Variants in CTDSPL2 observed in about 807,000 individuals in gnomAD.
CTDSPL2 encodes CTD small phosphatase-like protein 2.
In CTDSPL2, 5 loss-of-function variants were observed where a neutral mutation model predicts 60.0. The observed-to-expected ratio is 0.08, with a 90% CI of 0.04 to 0.18. CTDSPL2 has a LOEUF of 0.18. Ranked by LOEUF, CTDSPL2 falls within the 10% of genes least tolerant of loss-of-function variation. The pLI is 1.00. For synonymous variants in CTDSPL2, 186 were observed against 189.3 expected (o/e 0.98, Z 0.14); for missense variants, 370 against 548.8 (o/e 0.67, Z 3.26).
intron 12 of CTDSPL2, 57 bp from the exon 13 acceptor site, chr15:44,524,052 G>C: frequency 7.6e-7 from 1 of 1,313,966 alleles, no homozygotes; most frequent in Non-Finnish European, 1.1e-6. Flanking sequence ...TGTATGTTAT[G>C]AGGATCATAT....
chr15:44,471,134 T>G (rs1373225617), intron 2 of CTDSPL2, among the ~76,000 whole-genome samples: 2 of 152,206 alleles, frequency 1.3e-5, no homozygotes, highest in Non-Finnish European at 2.9e-5. Context: ...ACACACAACA[T>G]ACATTTTTTG....
chr15:44,450,389 C>T (rs2080310041), intron 1 of CTDSPL2, among the ~76,000 whole-genome samples: 1 of 152,044 alleles, frequency 6.6e-6, no homozygotes, highest in Admixed American at 6.6e-5. Flanking sequence ...TGTTAACAAT[C>T]TTTGAACTTG....
intron 2 of CTDSPL2, among the ~76,000 whole-genome samples, chr15:44,473,059 A>G (rs1029990777): frequency 6.6e-6 from 1 of 152,198 alleles, no homozygotes; most frequent in African/African-American, 2.4e-5. Context: ...GGCCTCCCAA[A>G]GTGCTGGGAT....
intron 6 of CTDSPL2, among the ~76,000 whole-genome samples, chr15:44,496,818 G>C (rs1049243970): frequency 5.3e-5 from 8 of 152,152 alleles, no homozygotes; most frequent in Admixed American, 6.6e-5. Context: ...CTGTGATAGA[G>C]TGAGACTGTC....
intron 5 of CTDSPL2, among the ~76,000 whole-genome samples, chr15:44,495,788 G>A (rs565680882): frequency 3.3e-5 from 5 of 152,096 alleles, no homozygotes; most frequent in African/African-American, 1.2e-4. Context: ...ACAAAAATCA[G>A]CCAGGTGTGG....
At chr15:44,451,898 G>C (rs2080341343) in intron 1 of CTDSPL2, among the ~76,000 whole-genome samples, 1 of 152,106 alleles carries the variant, frequency 6.6e-6, no homozygotes, top group Admixed American at 6.6e-5. Flanking sequence ...TAGCCTAGTG[G>C]TCAACTAATG....
intron 10 of CTDSPL2, among the ~76,000 whole-genome samples, chr15:44,516,289 A>G (rs1285357539): frequency 6.6e-6 from 1 of 151,924 alleles, no homozygotes; most frequent in Non-Finnish European, 1.5e-5. Context: ...AAATTTTCTT[A>G]AATACTTTTC....
intron 1 of CTDSPL2, among the ~76,000 whole-genome samples, chr15:44,433,748 G>A (rs771932177): frequency 8.6e-4 from 130 of 151,792 alleles, no homozygotes; most frequent in Non-Finnish European, 1.4e-3. Flanking sequence ...TGAGGAGTTC[G>A]AGACCAGCCT....
intron 6 of CTDSPL2, among the ~76,000 whole-genome samples, chr15:44,496,729 C>T (rs2081307039): frequency 6.6e-6 from 1 of 152,076 alleles, no homozygotes; most frequent in South Asian, 2.1e-4. Context: ...GACACGGTGG[C>T]ACATGCCTGT....
chr15:44,500,655 G>A (rs2081369775), intron 8 of CTDSPL2, among the ~76,000 whole-genome samples: 1 of 152,172 alleles, frequency 6.6e-6, no homozygotes, highest in Non-Finnish European at 1.5e-5. Flanking sequence ...ATGAAAATGT[G>A]TTTGGTTGTT....
chr15:44,511,625 C>T (rs574907077), intron 8 of CTDSPL2, among the ~76,000 whole-genome samples: 1 of 152,056 alleles, frequency 6.6e-6, no homozygotes, highest in Non-Finnish European at 1.5e-5. Context: ...AATACCTCCC[C>T]TGGGAGGCCG....
At chr15:44,524,052 G>T in intron 12 of CTDSPL2, 57 bp from the exon 13 acceptor site, 1 of 1,313,966 alleles carries the variant, frequency 7.6e-7, no homozygotes, top group Non-Finnish European at 1.1e-6. Context: ...TGTATGTTAT[G>T]AGGATCATAT....
intron 1 of CTDSPL2, among the ~76,000 whole-genome samples, chr15:44,432,406 G>A (rs1177639983): frequency 7.9e-5 from 12 of 151,624 alleles, no homozygotes; most frequent in African/African-American, 1.7e-4. Flanking sequence ...TGCAACCTCC[G>A]CCTCCCGGGT....
chr15:44,453,328 TATTG>T (rs1351824690), intron 1 of CTDSPL2, among the ~76,000 whole-genome samples: 6 of 152,200 alleles, frequency 3.9e-5, no homozygotes, highest in African/African-American at 1.4e-4. Context: ...GTTCTTCATT[TATTG>T]ATTATTTTTA....
chr15:44,444,731 GTT>G (rs200048188), intron 1 of CTDSPL2, among the ~76,000 whole-genome samples: 20 of 105,402 alleles, frequency 1.9e-4, no homozygotes, highest in African/African-American at 2.9e-4. Context: ...AAGGTAAGTA[GTT>G]TTTTTTTTTT....
intron 10 of CTDSPL2, among the ~76,000 whole-genome samples, chr15:44,515,598 C>T (rs1302271013): frequency 6.6e-6 from 1 of 152,054 alleles, no homozygotes. Context: ...GGGCCAGGCG[C>T]GGTGGCTCAC....
intron 2 of CTDSPL2, among the ~76,000 whole-genome samples, chr15:44,469,095 C>T (rs535083748): frequency 1.3e-5 from 2 of 152,060 alleles, no homozygotes; most frequent in Non-Finnish European, 2.9e-5. Context: ...TAATCTCTTA[C>T]TGTGTCTAAT....
At chr15:44,481,756 A>G (rs1426675794) in intron 2 of CTDSPL2, among the ~76,000 whole-genome samples, 1 of 152,140 alleles carries the variant, frequency 6.6e-6, no homozygotes, top group Admixed American at 6.5e-5. Context: ...TATTTTTAGT[A>G]GAGACAGAAT....
chr15:44,499,606 T>C (rs777839922), intron 7 of CTDSPL2, 121 bp from the exon 8 acceptor site: 1 of 572,864 alleles, frequency 1.7e-6, no homozygotes, highest in Non-Finnish European at 3.1e-6. Context: ...AGTAATATAT[T>C]ATAAATGTAA....
Sources: allele counts gnomAD v4.1 joint callset (sites outside exome capture counted in the v4.1 genomes callset), GRCh38; gene constraint gnomAD v4.1.1; transcripts MANE v1.5; gene names NCBI Gene and HGNC (gene_info 2026-07-23, HGNC 2026-07-21).